Variants in TCF7 observed in about 807,000 individuals in gnomAD.
The protein encoded by TCF7 is transcription factor 7, also known as T-cell-factor-7.
TCF7 carries 19 observed loss-of-function variants against 46.8 expected under a neutral mutation model. The ratio of observed to expected loss-of-function variants is 0.41; its 90% CI spans 0.28 to 0.60. The LOEUF (loss-of-function observed/expected upper bound fraction) is 0.60, where lower values mean the gene tolerates loss of function less well. Among genes scored for constraint, TCF7 ranks in the 20% least tolerant of loss-of-function variants. TCF7 has a pLI of 0.35. For missense variants in TCF7, 547 were observed against 504.6 expected (o/e 1.08, Z -0.81); for synonymous variants, 245 against 213.4 (o/e 1.15, Z -1.29).
chr5:134,115,201 G>A (rs1755629114), intron 1 of TCF7, 46 bp downstream of exon 1: 2 of 1,121,834 alleles, frequency 1.8e-6, no homozygotes, highest in South Asian at 4.3e-5. Flanking sequence ...TCGCCGCGCC[G>A]CGCCGCCCCA....
intron 3 of TCF7, among the ~76,000 whole-genome samples, chr5:134,124,376 AG>A (rs1757046941): frequency 6.6e-6 from 1 of 152,138 alleles, no homozygotes; most frequent in Non-Finnish European, 1.5e-5. Context: ...TCCTCCTCAG[AG>A]GGTTCCCCCT....
chr5:134,131,301 G>A (rs1248362025), intron 3 of TCF7, among the ~76,000 whole-genome samples: 7 of 152,244 alleles, frequency 4.6e-5, no homozygotes, highest in Non-Finnish European at 7.3e-5. Context: ...CCACATGTGC[G>A]AAATGGGAAG....
rs372199973 is a variant in TCF7, at chr5:134,135,953, T to C, written c.442-2106T>C. On this transcript the variant is annotated intron_variant, in intron 3 of 9. Transcript: ENST00000342854. ...AATTGTGTCTGATGCTGCAGAGAGG[T>C]TGGATAAAATGAAGACTGAGAATTG... Among the ~76,000 whole-genome samples, 16 of 151,664 alleles carry C rather than the reference T, an allele frequency of 1.1e-4. 1 individual carries two copies. Among genetic ancestry groups the C allele is most frequent in the East Asian group, 5.8e-4 (3 of 5,174 alleles).
intron 9 of TCF7, chr5:134,144,699 G>A: frequency 4.4e-6 from 4 of 902,606 alleles, no homozygotes; most frequent in Non-Finnish European, 7.3e-6. Flanking sequence ...TCTATAACTG[G>A]CTAACACTGA....
intron 4 of TCF7, among the ~76,000 whole-genome samples, chr5:134,138,417 G>T (rs923763212): frequency 5.9e-5 from 9 of 152,246 alleles, no homozygotes; most frequent in Middle Eastern, 3.2e-3. Context: ...CCCGCTGCCA[G>T]TATGGCAGCA....
intron 9 of TCF7, 157 bp from the exon 10 acceptor site, chr5:134,146,067 G>A: frequency 5.7e-6 from 9 of 1,574,004 alleles, no homozygotes; most frequent in Non-Finnish European, 7.7e-6. Context: ...GCCAGACCAA[G>A]CAGAATGGCA....
At chr5:134,127,209 C>T (rs543669174) in intron 3 of TCF7, among the ~76,000 whole-genome samples, 1 of 152,330 alleles carries the variant, frequency 6.6e-6, no homozygotes, top group Admixed American at 6.5e-5. Context: ...AGTCCTCTCA[C>T]TCCCTCTCCA....
chr5:134,146,239 C>T lies in TCF7; in HGVS notation c.1091C>T (p.Ala364Val), dbSNP rs761078465. The change falls in exon 10 of 10, where the codon GCA becomes GTA. Residue 364 changes from alanine (A) to valine (V), a missense_variant. Coordinates refer to ENST00000342854, the MANE Select transcript of TCF7 (RefSeq NM_003202.5). ...QESTTGGKRN[A>V]FGTYPEKAAA... ...CTATTCCTAGGAGGAAAAAGAAATG[C>T]ATTCGGTACTTACCCGGAGAAGGCC... is the stretch of plus-strand genomic sequence containing the variant. 2 of 1,614,188 alleles carry T rather than the reference C, an allele frequency of 1.2e-6. No homozygotes were observed. The highest frequency in any genetic ancestry group is 1.1e-5 in the South Asian group (1 of 91,088).
chr5:134,115,168 C>T lies in TCF7; in HGVS notation c.249+13C>T, dbSNP rs1403804025. The T allele has an allele frequency of 1.3e-5, 13 of 1,034,810 alleles. No individual in the cohort carries two copies. The East Asian group carries it at 8.5e-4, about 68-fold the overall frequency. The allele number at this position is 1,034,810 out of a possible 1,614,324, so 64.1% of individuals were successfully genotyped here. On this transcript the variant is annotated intron_variant, in intron 1 of 9. Transcript: ENST00000342854. ...CGGCGAGGCCGAGGTGAGCCCCCGC[C>T]GGCGCCGGCTCCTCCCCCGCGGTCG...
At chr5:134,118,282 C>G (rs1023442056) in intron 3 of TCF7, among the ~76,000 whole-genome samples, 1 of 152,216 alleles carries the variant, frequency 6.6e-6, no homozygotes, top group Non-Finnish European at 1.5e-5. Context: ...TGGTCACTTT[C>G]CCAAGCCCAT....
chr5:134,115,484 C>T lies in TCF7; in HGVS notation c.316+97C>T, dbSNP rs967114877. 6 of 1,505,632 alleles carry T rather than the reference C, an allele frequency of 4.0e-6. No individual in the cohort carries two copies. The African/African-American group carries it at 8.5e-5, about 21-fold the overall frequency. 93.3% of individuals were successfully genotyped at this position (1,505,632 alleles called of 1,614,324 possible). ...GGACCGCGGGGAGCCGGGTGCCTCCCCCACCGCAGCTCAGGAGGCGGCAGA... is the reference window on the plus strand; with the variant it reads ...GGACCGCGGGGAGCCGGGTGCCTCCTCCACCGCAGCTCAGGAGGCGGCAGA... On this transcript the variant is annotated intron_variant, in intron 2 of 9. Coordinates refer to ENST00000342854, the MANE Select transcript of TCF7 (RefSeq NM_003202.5).
chr5:134,147,609 G>C lies in TCF7; in HGVS notation c.*1306G>C, dbSNP rs1760855727. The C allele has an allele frequency of 6.6e-6, 1 of 152,502 alleles. No individual in the cohort carries two copies. 9.4% of individuals were successfully genotyped at this position (152,502 alleles called of 1,614,324 possible). ...ATAGCCTACGTTAACCCATTTTTGA[G>C]CCAAGCTTCAACCCTCAGCCTTGAA... On this transcript the variant is annotated 3_prime_UTR_variant, in exon 10 of 10. Coordinates refer to ENST00000342854, the MANE Select transcript of TCF7 (RefSeq NM_003202.5).
intron 2 of TCF7, 141 bp from the exon 3 acceptor site, chr5:134,115,768 C>CCGATA: frequency 1.3e-6 from 2 of 1,482,774 alleles, no homozygotes; most frequent in Non-Finnish European, 1.8e-6. Context: ...CTTGGCACTG[C>CCGATA]CGATACTCCC....
intron 3 of TCF7, among the ~76,000 whole-genome samples, chr5:134,134,543 G>A (rs1349756826): frequency 6.6e-6 from 1 of 152,164 alleles, no homozygotes; most frequent in Admixed American, 6.5e-5. Flanking sequence ...GTTATTCTAG[G>A]AACCTGTTAG....
chr5:134,113,515 C>A (rs1755399568), upstream of TCF7, among the ~76,000 whole-genome samples: 1 of 152,240 alleles, frequency 6.6e-6, no homozygotes, highest in Admixed American at 6.5e-5. Flanking sequence ...GGAGAGGCGT[C>A]CAATACCCGG....
chr5:134,122,278 C>T (rs991196448), intron 3 of TCF7, among the ~76,000 whole-genome samples: 8 of 152,204 alleles, frequency 5.3e-5, no homozygotes, highest in Non-Finnish European at 1.0e-4. Context: ...TCTGGAAAGT[C>T]GGGGTGAGTA....
At chr5:134,112,803 A>G (rs1210575231), upstream of TCF7, among the ~76,000 whole-genome samples, 4 of 152,222 alleles carry the variant, frequency 2.6e-5, no homozygotes, top group Non-Finnish European at 5.9e-5. Flanking sequence ...AAAACAAAAC[A>G]AAAAGAACCT....
chr5:134,136,068 G>A (rs763830068), intron 3 of TCF7, among the ~76,000 whole-genome samples: 1 of 152,178 alleles, frequency 6.6e-6, no homozygotes, highest in Non-Finnish European at 1.5e-5. Context: ...TGGCTGGGTT[G>A]AAGGGAGAAT....
intron 3 of TCF7, among the ~76,000 whole-genome samples, chr5:134,123,045 C>T (rs914467142): frequency 6.6e-6 from 1 of 152,316 alleles, no homozygotes; most frequent in South Asian, 2.1e-4. Context: ...CTGAGGATAA[C>T]GAGGGTTCTC....
Sources: gnomAD v4.1 joint callset for allele counts (sites outside exome capture counted in the v4.1 genomes callset) on GRCh38, gnomAD v4.1.1 for gene constraint, MANE v1.5 for transcripts, NCBI Gene and HGNC (gene_info 2026-07-23, HGNC 2026-07-21) for gene names.